Variants in DENND4A observed in about 807,000 individuals in gnomAD.
DENND4A encodes C-myc promoter-binding protein.
Under a neutral mutation model 199.3 loss-of-function variants are expected in DENND4A, and 70 were observed. The observed-to-expected ratio is 0.35, with a 90% confidence interval of 0.29 to 0.43. The LOEUF is 0.43. Ranked by LOEUF, DENND4A falls within the 20% of genes least tolerant of loss-of-function variation. The pLI is 1.00. For missense variants in DENND4A, 1,723 were observed against 2,255.8 expected, an observed-to-expected ratio of 0.76 and a Z score of 4.78; for synonymous variants, 686 against 766.9, an observed-to-expected ratio of 0.89 and a Z score of 1.74.
At chr15:65,776,933 C>T (rs1229460366) in intron 1 of DENND4A, among the ~76,000 whole-genome samples, 2 of 151,960 alleles carry the variant, frequency 1.3e-5, no homozygotes, top group Admixed American at 6.5e-5. Context: ...GTTGGAAGGA[C>T]GAGGCAGGAG....
intron 5 of DENND4A, among the ~76,000 whole-genome samples, chr15:65,739,748 C>T (rs2076206188): frequency 6.6e-6 from 1 of 152,136 alleles, no homozygotes. Context: ...AGTAGATAAA[C>T]TAAGGTCCAA....
chr15:65,746,386 T>C (rs1443021191), intron 4 of DENND4A, among the ~76,000 whole-genome samples: 1,566 of 121,982 alleles, frequency 0.013, 50 homozygotes, highest in African/African-American at 0.048. Context: ...TTTTTTTTTT[T>C]TTTTTTTTTT....
rs111874767 is a variant in DENND4A, at chr15:65,723,962, G to A, written c.1488-1014C>T. Among the ~76,000 whole-genome samples, 543 of 152,016 alleles carry A rather than the reference G, an allele frequency of 3.6e-3. 3 individuals carry two copies. The highest frequency in any genetic ancestry group is 0.013 in the African/African-American group (524 of 41,424). On this transcript the variant is annotated intron_variant, in intron 11 of 32. Coordinates refer to ENST00000443035, the MANE Select transcript of DENND4A (RefSeq NM_001320835.1). ...TTATTATAGCAATTACAACACAGTT[G>A]GTCTCTAAACCATACATGGGGTAGG...
In DENND4A at chr15:65,728,094, C is replaced by T. The variant is rs185805204; in HGVS notation, c.1487+978G>A. On this transcript the variant is annotated intron_variant, in intron 11 of 32. Transcript: ENST00000443035. Reference sequence around the variant, plus strand: ...TGCAATCTCGGCTCACTGCAGCCTCCGCCTCCCGGGTTCAAGCGATTCTCC... The same window carrying T: ...TGCAATCTCGGCTCACTGCAGCCTCTGCCTCCCGGGTTCAAGCGATTCTCC... 6.2e-3 allele frequency among the ~76,000 whole-genome samples: 942 copies of T among 152,016 alleles called. 3 individuals carry two copies. Among genetic ancestry groups the T allele is most frequent in the Middle Eastern group, 0.031 (9 of 294 alleles).
intron 4 of DENND4A, 94 bp downstream of exon 4, chr15:65,752,285 A>C (rs1189235925): frequency 1.1e-5 from 2 of 175,920 alleles, no homozygotes; most frequent in Non-Finnish European, 1.5e-5. Flanking sequence ...GTTTTCCAAA[A>C]AAAAAAAAAA....
chr15:65,702,407 G>C lies in DENND4A; in HGVS notation c.2328C>G (p.Leu776=). ...RHCYGLWFIC[L]PAYVKVCHSK... ...AATGACAGACTTTCACATAAGCTGG[G>C]AGACAAATAAACCACAGTCCATAAC... Residue 776 remains leucine, a synonymous_variant, in exon 17 of 33, where the codon CTC becomes CTG. Coordinates refer to ENST00000443035, the MANE Select transcript of DENND4A (RefSeq NM_001320835.1). 1.3e-6 allele frequency: 2 copies of C among 1,575,856 alleles called. No individual in the cohort carries two copies. Among genetic ancestry groups the C allele is most frequent in the East Asian group, 2.3e-5 (1 of 43,032 alleles).
rs372992640 is a variant in DENND4A at position 65,664,678 on chromosome 15, A to G, written c.5404T>C (p.Ser1802Pro). The G allele has an allele frequency of 3.1e-6, 5 of 1,612,800 alleles. No homozygotes were observed. Among genetic ancestry groups the G allele is most frequent in the Non-Finnish European group, 4.2e-6 (5 of 1,179,284 alleles). ...MVHLLQKSDN[S>P]FNQELLKSMV... ...CTTTTCAACAGTTCCTGGTTAAATG[A>G]GTTATCACTTTTTTGCAATAAATGG... Residue 1802 changes from serine (S) to proline (P), a missense_variant, in exon 31 of 33, where the codon TCA becomes CCA. Transcript: ENST00000443035.
Position 65,690,267 on chromosome 15 carries a change from C to G in DENND4A, c.4179+148G>C, listed in dbSNP as rs1317381503. 18 of 759,852 alleles carry G rather than the reference C, an allele frequency of 2.4e-5. 1 individual carries two copies. Among genetic ancestry groups the G allele is most frequent in the Non-Finnish European group, 3.4e-5 (18 of 533,842 alleles). 47.1% of individuals were successfully genotyped at this position (759,852 alleles called of 1,614,324 possible). ...TTCTTTGAAGTTATTATTTCAGTTC[C>G]AATTCTGATACTTACAAAACTTACA... On this transcript the variant is annotated intron_variant, in intron 23 of 32. Transcript: ENST00000443035.
At chr15:65,688,242 G>T (rs1293677800) in intron 23 of DENND4A, among the ~76,000 whole-genome samples, 2 of 151,930 alleles carry the variant, frequency 1.3e-5, no homozygotes, top group African/African-American at 4.8e-5. Flanking sequence ...TTTCTTGCTA[G>T]AATTTATTTT....
intron 1 of DENND4A, among the ~76,000 whole-genome samples, chr15:65,763,801 G>T (rs1038151549): frequency 1.3e-5 from 2 of 151,812 alleles, no homozygotes; most frequent in Non-Finnish European, 2.9e-5. Context: ...TGTCAGGATA[G>T]ATATATGTAT....
At chr15:65,737,203 C>T (rs2076143011) in intron 7 of DENND4A, among the ~76,000 whole-genome samples, 1 of 152,082 alleles carries the variant, frequency 6.6e-6, no homozygotes, top group Admixed American at 6.6e-5. Context: ...GCTAGGACTA[C>T]AGGCATGGGC....
intron 24 of DENND4A, among the ~76,000 whole-genome samples, chr15:65,673,081 C>T (rs1297974083): frequency 6.6e-6 from 1 of 151,842 alleles, no homozygotes; most frequent in Non-Finnish European, 1.5e-5. Context: ...AGGATGGTCT[C>T]GATCTCTTGA....
At chr15:65,703,034 CA>C in intron 15 of DENND4A, 26 bp from the exon 16 acceptor site, 1 of 1,599,282 alleles carries the variant, frequency 6.3e-7, no homozygotes. Flanking sequence ...CAAAACAAAA[CA>C]AAAAAGAGTT....
At chr15:65,721,448 G>C (rs570306842) in intron 12 of DENND4A, among the ~76,000 whole-genome samples, 1 of 152,102 alleles carries the variant, frequency 6.6e-6, no homozygotes, top group African/African-American at 2.4e-5. Context: ...ACATAAATGT[G>C]TATTACATAA....
chr15:65,767,084 C>A (rs1391703220), intron 1 of DENND4A, among the ~76,000 whole-genome samples: 1 of 152,166 alleles, frequency 6.6e-6, no homozygotes, highest in African/African-American at 2.4e-5. Flanking sequence ...CTTTTTGATT[C>A]TCTCACATGC....
At chr15:65,775,637 C>CAAAAAAAAA (rs59714693) in intron 1 of DENND4A, among the ~76,000 whole-genome samples, 11 of 27,682 alleles carry the variant, frequency 4.0e-4, no homozygotes, top group Non-Finnish European at 6.9e-4. Context: ...CAAGACTCCT[C>CAAAAAAAAA]AAAAAAAAAA....
At chr15:65,736,421 G>A (rs1399101197) in intron 7 of DENND4A, among the ~76,000 whole-genome samples, 7 of 143,886 alleles carry the variant, frequency 4.9e-5, no homozygotes, top group Non-Finnish European at 7.5e-5. Context: ...AACCACAGCT[G>A]GCTTTTGTAT....
intron 1 of DENND4A, among the ~76,000 whole-genome samples, chr15:65,783,622 C>A (rs1596705742): frequency 6.6e-6 from 1 of 151,872 alleles, no homozygotes; most frequent in African/African-American, 2.4e-5. Context: ...AGGGCTGGGG[C>A]AGGAAATATA....
chr15:65,723,783 G>A (rs907125801), intron 11 of DENND4A, among the ~76,000 whole-genome samples: 31 of 152,052 alleles, frequency 2.0e-4, no homozygotes, highest in Non-Finnish European at 3.5e-4. Context: ...TTATGTGAAC[G>A]TGGGCTCTCT....
Sources: gnomAD v4.1 joint callset for allele counts (sites outside exome capture counted in the v4.1 genomes callset) on GRCh38, gnomAD v4.1.1 for gene constraint, MANE v1.5 for transcripts, NCBI Gene and HGNC (gene_info 2026-07-23, HGNC 2026-07-21) for gene names.